TTC16: variants seen among roughly 807,000 people sequenced by gnomAD.
TTC16 encodes tetratricopeptide repeat protein 16.
TTC16 carries 66 observed loss-of-function variants against 80.4 expected under a neutral mutation model. The ratio of observed to expected loss-of-function variants is 0.82; its 90% CI spans 0.67 to 1.01. TTC16 has a LOEUF of 1.01. Ranked by LOEUF, TTC16 falls within the 50% of genes least tolerant of loss-of-function variation. The pLI, the probability that TTC16 is intolerant of heterozygous loss-of-function variation, is 0.00. For synonymous variants in TTC16, 438 were observed against 451.3 expected (o/e 0.97, Z 0.37); for missense variants, 1,070 against 1,103.2 (o/e 0.97, Z 0.43).
chr9:127,726,586 G>A (rs1038682598), intron 10 of TTC16, among the ~76,000 whole-genome samples, 182 bp downstream of exon 10: 10 of 152,028 alleles, frequency 6.6e-5, no homozygotes, highest in Admixed American at 2.0e-4. Flanking sequence ...TCAGGAGTTC[G>A]AGACCCACCG....
In TTC16 at chr9:127,730,747, C is replaced by T; in HGVS notation, c.1964C>T (p.Ser655Phe). ...FSDSSLLKTQSSDSGNNREAL... is the reference protein window; with the variant it reads ...FSDSSLLKTQFSDSGNNREAL... The stretch of plus-strand genomic sequence containing the variant: ...GACTCGTCACTGTTGAAGACGCAAT[C>T]CTCGGACTCTGGGAACAACAGGGAG... The change falls in exon 14 of 14, where the codon TCC becomes TTC. Residue 655 changes from serine to phenylalanine, a missense_variant. Coordinates refer to ENST00000373289, the MANE Select transcript of TTC16 (RefSeq NM_144965.3). 6.2e-7 allele frequency: 1 copy of T among 1,613,704 alleles called. No homozygotes were observed. The highest frequency in any genetic ancestry group is 8.5e-7 in the Non-Finnish European group (1 of 1,180,042).
rs201723862 is a variant in TTC16 at position 127,720,174 on chromosome 9, C to A, written c.523C>A (p.Arg175=). Residue 175 remains arginine, a synonymous_variant, in exon 5 of 14, where the codon CGA becomes AGA. Coordinates refer to ENST00000373289, the MANE Select transcript of TTC16 (RefSeq NM_144965.3). Reference sequence around the variant, plus strand: ...GCCTGAGAAACCATGCTTCCGTTACCGATGGTGAGTGCCCCTGCCAGCCCC... The same window carrying A: ...GCCTGAGAAACCATGCTTCCGTTACAGATGGTGAGTGCCCCTGCCAGCCCC... The part of the protein sequence containing the change: ...LQPEKPCFRY[R]CMACLLALKQ... 6.2e-6 allele frequency: 10 copies of A among 1,613,638 alleles called. No individual in the cohort carries two copies. The highest frequency in any genetic ancestry group is 1.6e-4 in the Middle Eastern group (1 of 6,082).
chr9:127,725,156 C>T (rs1843832245), intron 9 of TTC16, among the ~76,000 whole-genome samples: 1 of 152,182 alleles, frequency 6.6e-6, no homozygotes, highest in Non-Finnish European at 1.5e-5. Flanking sequence ...TGCCTGTAAT[C>T]CCAGCTACTC....
intron 4 of TTC16, among the ~76,000 whole-genome samples, chr9:127,719,210 CAA>C (rs112597139): frequency 3.8e-5 from 5 of 131,040 alleles, no homozygotes; most frequent in Admixed American, 1.5e-4. Flanking sequence ...GATGCTGTCT[CAA>C]AAAAAAAAAA....
rs1182151973 is a variant in TTC16 at position 127,722,627 on chromosome 9, T to C, written c.658-492T>C. Among the ~76,000 whole-genome samples the C allele has an allele frequency of 6.6e-6, 1 of 151,948 alleles. No homozygotes were observed. Among genetic ancestry groups the C allele is most frequent in the South Asian group, 2.1e-4 (1 of 4,824 alleles). On this transcript the variant is annotated intron_variant, in intron 6 of 13. Coordinates refer to ENST00000373289, the MANE Select transcript of TTC16 (RefSeq NM_144965.3). This position sits in a 1 kb window ranked among gnomAD's most constrained non-coding sequence, Gnocchi z 4.2. Reference sequence around the variant, plus strand: ...GGGCCAGCTGGCATGGGGCCTGGGATGGAATTTCTCCACGATGCTCCCTGT... The same window carrying C: ...GGGCCAGCTGGCATGGGGCCTGGGACGGAATTTCTCCACGATGCTCCCTGT...
At chr9:127,729,966 C>A in intron 13 of TTC16, 1 of 394,496 alleles carries the variant, frequency 2.5e-6, no homozygotes, top group South Asian at 2.8e-5. Flanking sequence ...AGCCCCAGTA[C>A]ATAGGGCCCT....
chr9:127,727,660 G>T, intron 12 of TTC16, 195 bp downstream of exon 12: 1 of 1,201,572 alleles, frequency 8.3e-7, no homozygotes, highest in Non-Finnish European at 1.1e-6. Flanking sequence ...CCTGACGGAG[G>T]GTGTGTGGGG....
rs553234826 is a variant in TTC16, at chr9:127,723,287, C to T, written c.826C>T (p.Arg276Cys). 8.7e-6 allele frequency: 14 copies of T among 1,612,968 alleles called. No homozygotes were observed. The highest frequency in any genetic ancestry group is 4.0e-5 in the African/African-American group (3 of 75,058). The change falls in exon 7 of 14, where the codon CGT becomes TGT. Residue 276 changes from arginine (R) to cysteine (C), a missense_variant. Transcript: ENST00000373289. ...KLQHALQRIN[R>C]AIENNPLDPS... Reference sequence around the variant, plus strand: ...GCAGCACGCACTGCAGCGGATCAACCGTGCCATCGAGAACAACCCTCTGGA... The same window carrying T: ...GCAGCACGCACTGCAGCGGATCAACTGTGCCATCGAGAACAACCCTCTGGA...
rs960782903 is a variant in TTC16, at chr9:127,724,898, G to A, written c.1259+1G>A. The A allele has an allele frequency of 3.9e-6, 6 of 1,523,120 alleles. No individual in the cohort carries two copies. In the African/African-American group the frequency reaches 8.3e-5, roughly 21 times the overall value. The allele number at this position is 1,523,120 out of a possible 1,614,324, so 94.4% of individuals were successfully genotyped here. ...TGGGCTTCTGCGAGCAGAGGCGCAAGTGCGTGGGCTCCCGCCCCCACGGTG... is the reference window on the plus strand; with the variant it reads ...TGGGCTTCTGCGAGCAGAGGCGCAAATGCGTGGGCTCCCGCCCCCACGGTG... On this transcript the variant is annotated splice_donor_variant, in intron 9 of 13. Transcript: ENST00000373289. LOFTEE classifies it high-confidence loss of function.
intron 3 of TTC16, 23 bp from the exon 4 acceptor site, chr9:127,717,606 A>T (rs1333023746): frequency 6.2e-7 from 1 of 1,611,276 alleles, no homozygotes; most frequent in Non-Finnish European, 8.5e-7. Context: ...AGGATCTAGC[A>T]GCCTGGGTCC....
intron 6 of TTC16, 66 bp downstream of exon 6, chr9:127,720,461 T>C: frequency 1.3e-6 from 2 of 1,595,996 alleles, no homozygotes; most frequent in African/African-American, 2.7e-5. Flanking sequence ...GCCCCAAGAT[T>C]GCAGGAAGAG....
chr9:127,724,907 C>G lies in TTC16; in HGVS notation c.1259+10C>G. On this transcript the variant is annotated intron_variant, in intron 9 of 13. Transcript: ENST00000373289. The stretch of plus-strand genomic sequence containing the variant: ...GCGAGCAGAGGCGCAAGTGCGTGGG[C>G]TCCCGCCCCCACGGTGGGCGGGGCA... 6.7e-7 allele frequency: 1 copy of G among 1,502,792 alleles called. No homozygotes were observed. The highest frequency in any genetic ancestry group is 1.4e-5 in the African/African-American group (1 of 71,420). The allele number at this position is 1,502,792 out of a possible 1,614,324, so 93.1% of individuals were successfully genotyped here.
At chr9:127,724,698 C>A in intron 8 of TTC16, 58 bp from the exon 9 acceptor site, 3 of 1,574,028 alleles carry the variant, frequency 1.9e-6, no homozygotes, top group Admixed American at 1.8e-5. Context: ...GCCGGCTGGG[C>A]TGGGGCTCCC....
At position 127,731,078 on chromosome 9, in the gene TTC16, C is replaced by T; in HGVS notation, c.2295C>T (p.Thr765=). ...AGGAGCCCAGCAAGACCAAGACCACCCGGAGCCCAAGGCAGAGGCCCAGAA... is the reference window on the plus strand; with the variant it reads ...AGGAGCCCAGCAAGACCAAGACCACTCGGAGCCCAAGGCAGAGGCCCAGAA... ...PRQEPSKTKT[T]RSPRQRPRKV... The change falls in exon 14 of 14, where the codon ACC becomes ACT. Residue 765 remains threonine (T), a synonymous_variant. Transcript: ENST00000373289. 6.2e-7 allele frequency: 1 copy of T among 1,612,212 alleles called. No homozygotes were observed. The highest frequency in any genetic ancestry group is 2.2e-5 in the East Asian group (1 of 44,850).
At chr9:127,717,218 C>A in intron 2 of TTC16, 116 bp from the exon 3 acceptor site, 2 of 1,200,788 alleles carry the variant, frequency 1.7e-6, no homozygotes, top group Non-Finnish European at 2.4e-6. Context: ...CTTCTGTCTA[C>A]TCCTCCTGCC....
At chr9:127,724,619 C>G (rs755508924) in intron 8 of TTC16, 137 bp from the exon 9 acceptor site, 122 of 1,278,766 alleles carry the variant, frequency 9.5e-5, no homozygotes, top group South Asian at 2.4e-4. Flanking sequence ...GCCCAGAAAA[C>G]TAGAGAGGAC....
rs1843347967 is a variant in TTC16 at position 127,720,317 on chromosome 9, C to T, written c.579C>T (p.Ile193=). 6.2e-7 allele frequency: 1 copy of T among 1,613,522 alleles called. No individual in the cohort carries two copies. The highest frequency in any genetic ancestry group is 8.5e-7 in the Non-Finnish European group (1 of 1,179,992). ...AGCATCAGGCCTGCCTCACGCTCAT[C>T]ACCAACGAGCTGAAGCAGGACACCA... is the stretch of plus-strand genomic sequence containing the variant. The part of the protein sequence containing the change: ...LKQHQACLTL[I]TNELKQDTTN... Residue 193 remains isoleucine, a synonymous_variant, in exon 6 of 14, where the codon ATC becomes ATT. Transcript: ENST00000373289.
chr9:127,716,332 C>A, intron 1 of TTC16, 169 bp downstream of exon 1: 3 of 1,008,940 alleles, frequency 3.0e-6, no homozygotes, highest in South Asian at 1.5e-5. Context: ...CCTTGTAAGG[C>A]TCGGCGGCTG....
At position 127,720,936 on chromosome 9, in the gene TTC16, C is replaced by G. The variant is rs372508721; in HGVS notation, c.657+541C>G. ...TCCCTCCTCCCTTCCTCCCTTCCCC[C>G]TTCCTCCTTTCCTCCTCTTCTTCTT... On this transcript the variant is annotated intron_variant, in intron 6 of 13. Coordinates refer to ENST00000373289, the MANE Select transcript of TTC16 (RefSeq NM_144965.3). 4.4e-5 allele frequency among the ~76,000 whole-genome samples: 6 copies of G among 136,758 alleles called. No homozygotes were observed. In the East Asian group the frequency reaches 1.2e-3, roughly 28 times the overall value. 89.7% of individuals were successfully genotyped at this position (136,758 alleles called of 152,430 possible). A position where few individuals can be genotyped will look rare whatever the true frequency, so the allele number is the denominator to read the frequency against.
Sources: gnomAD v4.1 joint callset for allele counts (sites outside exome capture counted in the v4.1 genomes callset) on GRCh38, gnomAD v4.1.1 for gene constraint, Gnocchi (gnomAD v3.1) non-coding constraint, MANE v1.5 for transcripts, NCBI Gene and HGNC (gene_info 2026-07-23, HGNC 2026-07-21) for gene names.